The following TLN1 variants were observed in gnomAD, a reference collection of about 807,000 sequenced individuals.
The protein encoded by TLN1 is talin 1, also known as talin-1.
TLN1 carries 56 observed loss-of-function variants against 292.3 expected under a neutral mutation model. The ratio of observed to expected loss-of-function variants is 0.19; its 90% CI spans 0.15 to 0.24. TLN1 has a LOEUF of 0.24. Ranked by LOEUF, TLN1 falls within the 10% of genes least tolerant of loss-of-function variation. The pLI, the probability that TLN1 is intolerant of heterozygous loss-of-function variation, is 1.00. For synonymous variants in TLN1, 1,119 were observed against 1,253.7 expected, an observed-to-expected ratio of 0.89 and a Z score of 2.27; for missense variants, 2,433 against 3,248.2, an observed-to-expected ratio of 0.75 and a Z score of 6.10.
chr9:35,707,185 G>T lies in TLN1; in HGVS notation c.4842C>A (p.Ile1614=). 2 of 1,609,748 alleles carry T rather than the reference G, an allele frequency of 1.2e-6. No individual in the cohort carries two copies. Among genetic ancestry groups the T allele is most frequent in the South Asian group, 1.1e-5 (1 of 90,888 alleles). The change falls in exon 37 of 57, where the codon ATC becomes ATA. Residue 1614 remains isoleucine, a synonymous_variant. Transcript: ENST00000314888. This position sits in a 1 kb window ranked among gnomAD's most constrained non-coding sequence, Gnocchi z 5.6. ...KTMLESAGGL[I]QTARALAVNP... is the part of the protein sequence containing the mutation. ...TGACTGCGAGGGCCCGGGCTGTCTGGATGAGTCCCCCGGCACTCTCTAACA... is the reference window on the plus strand; with the variant it reads ...TGACTGCGAGGGCCCGGGCTGTCTGTATGAGTCCCCCGGCACTCTCTAACA...
At position 35,704,144 on chromosome 9, in the gene TLN1, C is replaced by T; in HGVS notation, c.6078G>A (p.Leu2026=). 1.2e-6 allele frequency: 2 copies of T among 1,609,136 alleles called. No individual in the cohort carries two copies. The highest frequency in any genetic ancestry group is 1.1e-5 in the South Asian group (1 of 90,522). The change falls in exon 46 of 57, where the codon CTG becomes CTA. Residue 2026 remains leucine (L), a synonymous_variant. Coordinates refer to ENST00000314888, the MANE Select transcript of TLN1 (RefSeq NM_006289.4). This position sits in a 1 kb window ranked among gnomAD's most constrained non-coding sequence, Gnocchi z 6.9. ...GCACCAGGACCTTGGTGTCCTCCAC[C>T]AGCACCTTCGCAGTCTTCAGGATGC... ...REGILKTAKV[L]VEDTKVLVQN...
At position 35,714,808 on chromosome 9, in the gene TLN1, G is replaced by T; in HGVS notation, c.2823C>A (p.Thr941=). 1 of 1,578,942 alleles carries T rather than the reference G, an allele frequency of 6.3e-7. No individual in the cohort carries two copies. The highest frequency in any genetic ancestry group is 8.6e-7 in the Non-Finnish European group (1 of 1,162,638). ...GCTGGGGGCCGGCAGAGGCCTTGGG[G>T]GTAGAGGCTGCGTGCTGAGCTGCAG... ...TIAAAQHAAS[T]PKASAGPQPL... The change falls in exon 22 of 57, where the codon ACC becomes ACA. Residue 941 remains threonine (T), a synonymous_variant. Coordinates refer to ENST00000314888, the MANE Select transcript of TLN1 (RefSeq NM_006289.4). The surrounding 1 kb of genome is among the most constrained non-coding windows in gnomAD (Gnocchi z 4.6).
Position 35,714,899 on chromosome 9 carries a change from A to G in TLN1, c.2755-23T>C, listed in dbSNP as rs539122309. On this transcript the variant is annotated intron_variant, in intron 21 of 56. Transcript: ENST00000314888. This position sits in a 1 kb window ranked among gnomAD's most constrained non-coding sequence, Gnocchi z 4.6. Reference sequence around the variant, plus strand: ...ATGCTGTGAAGACAAGAGTAGTCAGACCAAGCCCATGGATTCCCATGCCCA... The same window carrying G: ...ATGCTGTGAAGACAAGAGTAGTCAGGCCAAGCCCATGGATTCCCATGCCCA... 4 of 1,592,604 alleles carry G rather than the reference A, an allele frequency of 2.5e-6. No homozygotes were observed. The South Asian group carries it at 4.6e-5, about 18-fold the overall frequency.
rs772848445 is a variant in TLN1, at chr9:35,705,575, T to G, written c.5709A>C (p.Ala1903=). The change falls in exon 43 of 57, where the codon GCA becomes GCC. Residue 1903 remains alanine, a synonymous_variant. Transcript: ENST00000314888. The part of the protein sequence containing the change: ...YGRLASEAKP[A]AVAAENEEIG... ...CCTCTTCATTTTCAGCAGCCACCGC[T>G]GCAGGCTTGGCCTCCGAGGCCAGAC... 8 of 1,601,240 alleles carry G rather than the reference T, an allele frequency of 5.0e-6. No homozygotes were observed. In the East Asian group the frequency reaches 1.8e-4, roughly 36 times the overall value.
intron 10 of TLN1, 52 bp downstream of exon 10, chr9:35,721,596 C>T (rs1825880592): frequency 1.3e-6 from 2 of 1,584,908 alleles, no homozygotes; most frequent in Non-Finnish European, 1.7e-6. Context: ...TCTGCAGCTG[C>T]CCCTTTAATG....
intron 7 of TLN1, chr9:35,723,163 A>T (rs1825907096): frequency 2.8e-6 from 1 of 360,646 alleles, no homozygotes; most frequent in Non-Finnish European, 5.2e-6. Context: ...GTGCAATGGC[A>T]CGATCTCAGC....
chr9:35,704,740 G>A lies in TLN1; in HGVS notation c.5809C>T (p.Leu1937=). The A allele has an allele frequency of 6.2e-7, 1 of 1,614,202 alleles. No homozygotes were observed. Among genetic ancestry groups the A allele is most frequent in the South Asian group, 1.1e-5 (1 of 91,078 alleles). ...TAGGCATCACTGGGGCTGCACTGCA[G>A]GGCGCCTGCCTTGGTGACCAGAGCG... ...CAALVTKAGA[L]QCSPSDAYTK... The change falls in exon 44 of 57, where the codon CTG becomes TTG. Residue 1937 remains leucine, a synonymous_variant. Transcript: ENST00000314888. The surrounding 1 kb of genome is among the most constrained non-coding windows in gnomAD (Gnocchi z 6.9).
At chr9:35,712,245 G>T in intron 27 of TLN1, 121 bp from the exon 28 acceptor site, 1 of 1,336,372 alleles carries the variant, frequency 7.5e-7, no homozygotes, top group Non-Finnish European at 1.0e-6. Context: ...GAAAGGGGGC[G>T]TTGTAGGTGA....
chr9:35,717,011 T>C lies in TLN1; in HGVS notation c.2458+135A>G, dbSNP rs540693638. 1.3e-5 allele frequency: 12 copies of C among 952,514 alleles called. No homozygotes were observed. The East Asian group carries it at 2.3e-4, about 18-fold the overall frequency. The allele number at this position is 952,514 out of a possible 1,614,324, so 59.0% of individuals were successfully genotyped here. ...TCAGAGAGCTTTAATGATGAGCCTA[T>C]GGTTGTGTGGCTGGCAAGCCCACAC... On this transcript the variant is annotated intron_variant, in intron 19 of 56. Transcript: ENST00000314888. The surrounding 1 kb of genome is among the most constrained non-coding windows in gnomAD (Gnocchi z 4.7).
intron 48 of TLN1, among the ~76,000 whole-genome samples, chr9:35,701,723 A>G (rs1357732060): frequency 1.3e-5 from 2 of 152,210 alleles, no homozygotes; most frequent in Admixed American, 1.3e-4. Flanking sequence ...TAGTGGTAGG[A>G]GATAAAAAGA....
chr9:35,718,509 G>C (rs959070371), intron 17 of TLN1, among the ~76,000 whole-genome samples: 1 of 152,124 alleles, frequency 6.6e-6, no homozygotes, highest in Non-Finnish European at 1.5e-5. Flanking sequence ...ATGGTCTATA[G>C]CATTGTGGGG....
chr9:35,697,938 T>G (rs1442723024), intron 56 of TLN1, 22 bp from the exon 57 acceptor site: 1 of 1,613,900 alleles, frequency 6.2e-7, no homozygotes, highest in Non-Finnish European at 8.5e-7. Flanking sequence ...GATCGGGGAC[T>G]TAGTTCAGTG....
At chr9:35,731,271 G>A (rs780577712) in intron 1 of TLN1, among the ~76,000 whole-genome samples, 1 of 152,056 alleles carries the variant, frequency 6.6e-6, no homozygotes, top group African/African-American at 2.4e-5. Context: ...AACCCCTAAA[G>A]CTGCCCCAAA....
intron 20 of TLN1, among the ~76,000 whole-genome samples, chr9:35,715,529 G>A (rs1825761174): frequency 6.6e-6 from 1 of 152,224 alleles, no homozygotes; most frequent in Non-Finnish European, 1.5e-5. Flanking sequence ...TACCAAAGCA[G>A]GGGACCTGCT....
At chr9:35,705,445 TC>T (rs1231888935) in intron 43 of TLN1, 105 bp downstream of exon 43, 22 of 1,208,966 alleles carry the variant, frequency 1.8e-5, no homozygotes, top group Non-Finnish European at 2.5e-5. Context: ...CTGAGGCTGT[TC>T]CCCTTTCTAT....
rs752209769 is a variant in TLN1, at chr9:35,708,295, C to T, written c.4470+46G>A. The T allele has an allele frequency of 5.8e-6, 9 of 1,546,488 alleles. No homozygotes were observed. In the East Asian group the frequency reaches 6.9e-5, roughly 12 times the overall value. On this transcript the variant is annotated intron_variant, in intron 34 of 56. Transcript: ENST00000314888. ...CCTCCCTCTACTCCACGGGGTCGGTCTGCCCTTTCCCAGACTCGCCTGTGG... is the reference window on the plus strand; with the variant it reads ...CCTCCCTCTACTCCACGGGGTCGGTTTGCCCTTTCCCAGACTCGCCTGTGG...
At position 35,707,040 on chromosome 9, in the gene TLN1, C is replaced by T; in HGVS notation, c.4955+32G>A. On this transcript the variant is annotated intron_variant, in intron 37 of 56. Transcript: ENST00000314888. The surrounding 1 kb of genome is among the most constrained non-coding windows in gnomAD (Gnocchi z 5.6). ...CTCCATTCTGCCACAATGTATGCCC[C>T]CCAGCCACACTGGTTCCCCATCCCT... 1 of 1,609,492 alleles carries T rather than the reference C, an allele frequency of 6.2e-7. No homozygotes were observed. The highest frequency in any genetic ancestry group is 8.5e-7 in the Non-Finnish European group (1 of 1,178,744).
intron 33 of TLN1, among the ~76,000 whole-genome samples, chr9:35,709,869 A>C (rs1330963935): frequency 3.2e-5 from 4 of 126,654 alleles, no homozygotes; most frequent in South Asian, 2.9e-4. Flanking sequence ...CCTGGGCGAC[A>C]GAGCGAAACT....
chr9:35,721,225 G>A (rs1825873739), intron 10 of TLN1, among the ~76,000 whole-genome samples: 2 of 152,208 alleles, frequency 1.3e-5, no homozygotes, highest in South Asian at 2.1e-4. Flanking sequence ...AAGGTTGGCT[G>A]TAGTATCCAA....
Sources: allele counts gnomAD v4.1 joint callset (sites outside exome capture counted in the v4.1 genomes callset), GRCh38; gene constraint gnomAD v4.1.1; non-coding constraint Gnocchi (gnomAD v3.1); transcripts MANE v1.5; gene names NCBI Gene and HGNC (gene_info 2026-07-23, HGNC 2026-07-21).